Variants in CCDC171 observed in about 807,000 individuals in gnomAD.
CCDC171 encodes coiled-coil domain containing 171.
In CCDC171, 177 loss-of-function variants were observed where a neutral mutation model predicts 168.2. That is an observed-to-expected ratio of 1.05 (90% CI 0.93 to 1.19). The LOEUF is 1.19. CCDC171 is among the 50% of genes most tolerant of loss of function. The pLI, the probability that CCDC171 is intolerant of heterozygous loss-of-function variation, is 0.00. For missense variants in CCDC171, 1,991 were observed against 1,539.0 expected, an observed-to-expected ratio of 1.29 and a Z score of -4.91; for synonymous variants, 687 against 540.8, an observed-to-expected ratio of 1.27 and a Z score of -3.75.
At chr9:16,005,833 G>A (rs1217055087) in intron 3 of CCDC171, among the ~76,000 whole-genome samples, 1 of 152,046 alleles carries the variant, frequency 6.6e-6, no homozygotes, top group Non-Finnish European at 1.5e-5. Flanking sequence ...GGATATCAAG[G>A]GATAACTGTG....
the CCDC171 span, among the ~76,000 whole-genome samples, chr9:16,100,563 A>G: frequency 6.6e-6 from 1 of 152,226 alleles, no homozygotes; most frequent in Non-Finnish European, 1.5e-5. Flanking sequence ...CCTAGAGGCC[A>G]CTTGAGTGTC....
intron 6 of CCDC171, among the ~76,000 whole-genome samples, chr9:15,622,522 G>C (rs7859780): frequency 0.48 from 72,481 of 151,956 alleles, 17,723 homozygotes; most frequent in East Asian, 0.76. Flanking sequence ...TAACATTACT[G>C]TGGTGAGGGA....
intron 25 of CCDC171, among the ~76,000 whole-genome samples, chr9:15,967,831 G>C (rs1830953931): frequency 6.6e-6 from 1 of 152,120 alleles, no homozygotes; most frequent in South Asian, 2.1e-4. Flanking sequence ...CTAAATTCTA[G>C]AAGACTTAAC....
intron 6 of CCDC171, among the ~76,000 whole-genome samples, chr9:15,614,486 C>T (rs1005423999): frequency 2.0e-5 from 3 of 152,088 alleles, no homozygotes; most frequent in African/African-American, 7.2e-5. Context: ...TGGATTACTG[C>T]AAGTTTTTGG....
intron 24 of CCDC171, among the ~76,000 whole-genome samples, chr9:15,889,361 C>G (rs1819888933): frequency 6.6e-6 from 1 of 152,112 alleles, no homozygotes; most frequent in African/African-American, 2.4e-5. Flanking sequence ...AGGACATATA[C>G]TGTTGTTTCC....
intron 6 of CCDC171, among the ~76,000 whole-genome samples, chr9:15,610,444 TAAAAAAAA>T (rs754593075): frequency 7.6e-3 from 96 of 12,696 alleles, no homozygotes; most frequent in Non-Finnish European, 9.3e-3. Context: ...CCATCTCAAC[TAAAAAAAA>T]AAAAAAAAAA....
intron 22 of CCDC171, among the ~76,000 whole-genome samples, chr9:15,847,484 G>A (rs958509803): frequency 1.3e-5 from 2 of 151,904 alleles, no homozygotes; most frequent in African/African-American, 4.8e-5. Flanking sequence ...ACATTATGAA[G>A]TTCACATTGA....
intron 21 of CCDC171, among the ~76,000 whole-genome samples, chr9:15,824,301 A>G (rs897296808): frequency 5.3e-5 from 8 of 151,970 alleles, no homozygotes; most frequent in East Asian, 1.9e-4. Context: ...TTTATATACT[A>G]CACATTTTTA....
chr9:15,634,677 T>C (rs2046055693), intron 7 of CCDC171, among the ~76,000 whole-genome samples: 1 of 152,196 alleles, frequency 6.6e-6, no homozygotes, highest in Non-Finnish European at 1.5e-5. Context: ...TATAAATTTG[T>C]CCATTTGAAG....
chr9:15,947,839 T>C (rs1828604185), intron 25 of CCDC171, among the ~76,000 whole-genome samples: 1 of 151,886 alleles, frequency 6.6e-6, no homozygotes, highest in Admixed American at 6.6e-5. Context: ...TTTTAATTTA[T>C]TATTATTTAG....
At chr9:16,096,908 C>T in the CCDC171 span, among the ~76,000 whole-genome samples, 1 of 152,148 alleles carries the variant, frequency 6.6e-6, no homozygotes, top group Non-Finnish European at 1.5e-5. Context: ...CTACTGGGAC[C>T]TTGAATGGTA....
At chr9:15,807,568 G>A (rs2059136948) in intron 21 of CCDC171, among the ~76,000 whole-genome samples, 1 of 152,010 alleles carries the variant, frequency 6.6e-6, no homozygotes. Context: ...CATGTCTTGA[G>A]GGGACTTGAG....
intron 18 of CCDC171, among the ~76,000 whole-genome samples, chr9:15,748,057 G>C (rs931381883): frequency 3.9e-5 from 6 of 152,072 alleles, no homozygotes; most frequent in Admixed American, 3.9e-4. Context: ...GAACATAAAT[G>C]ACCATCATGT....
chr9:15,641,274 A>T (rs1051806781), intron 7 of CCDC171, among the ~76,000 whole-genome samples: 2 of 152,306 alleles, frequency 1.3e-5, no homozygotes, highest in Admixed American at 6.5e-5. Flanking sequence ...ATTAACTAGT[A>T]TGTACTCATG....
chr9:15,618,087 G>A (rs1564061313), intron 6 of CCDC171, among the ~76,000 whole-genome samples: 1 of 152,188 alleles, frequency 6.6e-6, no homozygotes, highest in Admixed American at 6.5e-5. Flanking sequence ...GAGCTGACAG[G>A]TAGGAAAGAT....
At chr9:15,944,828 T>TCTTG in intron 25 of CCDC171, among the ~76,000 whole-genome samples, 1 of 27,546 alleles carries the variant, frequency 3.6e-5, no homozygotes, top group Non-Finnish European at 7.0e-5. Context: ...GAATTCTTTT[T>TCTTG]CTTTCTTTTT....
intron 25 of CCDC171, among the ~76,000 whole-genome samples, chr9:15,968,533 C>A (rs942258455): frequency 1.0e-4 from 13 of 128,936 alleles, no homozygotes; most frequent in African/African-American, 3.7e-4. Flanking sequence ...AGAATTGTTG[C>A]TGGCTTTTTT....
At chr9:15,785,639 T>C (rs2057908804) in intron 21 of CCDC171, among the ~76,000 whole-genome samples, 2 of 151,998 alleles carry the variant, frequency 1.3e-5, no homozygotes, top group African/African-American at 4.8e-5. Context: ...TAGGTACTCC[T>C]CACACAAACT....
chr9:15,806,319 T>C (rs765219485), intron 21 of CCDC171, among the ~76,000 whole-genome samples: 31 of 152,136 alleles, frequency 2.0e-4, no homozygotes, highest in Non-Finnish European at 4.1e-4. Flanking sequence ...ATGTGGTTGC[T>C]TCGTAGTGGC....
Sources: gnomAD v4.1 joint callset for allele counts (sites outside exome capture counted in the v4.1 genomes callset) on GRCh38, gnomAD v4.1.1 for gene constraint, MANE v1.5 for transcripts, NCBI Gene and HGNC (gene_info 2026-07-23, HGNC 2026-07-21) for gene names.